The following HSPG2 variants were observed in gnomAD, a reference collection of about 807,000 sequenced individuals.
The protein encoded by HSPG2 is heparan sulfate proteoglycan 2.
Under a neutral mutation model 526.6 loss-of-function variants are expected in HSPG2, and 278 were observed. That is an observed-to-expected ratio of 0.53 (90% confidence interval 0.48 to 0.58). The LOEUF is 0.58. Ranked by LOEUF, HSPG2 falls within the 20% of genes least tolerant of loss-of-function variation. HSPG2 has a pLI of 0.00. For missense variants in HSPG2, 5,354 were observed against 6,099.5 expected, an observed-to-expected ratio of 0.88 and a Z score of 4.07; for synonymous variants, 2,465 against 2,555.4, an observed-to-expected ratio of 0.96 and a Z score of 1.07.
rs371570424 is a variant in HSPG2 at position 21,841,598 on chromosome 1, C to A, written c.9269G>T (p.Arg3090Leu). Residue 3090 changes from arginine to leucine, a missense_variant, in exon 70 of 97, where the codon CGC (arginine) becomes CTC (leucine). By Grantham distance (102) the Arg-to-Leu change is moderately radical. Transcript: ENST00000374695. Reference protein sequence around the residue: ...GTRPSNHGTYRCVASNAYGVA... With the variant: ...GTRPSNHGTYLCVASNAYGVA... Reference sequence around the variant, plus strand: ...ACCGTAGGCATTGGAGGCCACGCAGCGGTAGGTACCGTGGTTGCTGGGCCG... The same window carrying A: ...ACCGTAGGCATTGGAGGCCACGCAGAGGTAGGTACCGTGGTTGCTGGGCCG... 6.2e-7 allele frequency: 1 copy of A among 1,614,066 alleles called. No homozygotes were observed. The highest frequency in any genetic ancestry group is 1.7e-5 in the Admixed American group (1 of 60,016).
In HSPG2 at chr1:21,841,196, G is replaced by A. The variant is rs1228739750; in HGVS notation, c.9418C>T (p.Pro3140Ser). 1.2e-6 allele frequency: 2 copies of A among 1,613,848 alleles called. No homozygotes were observed. The highest frequency in any genetic ancestry group is 1.7e-5 in the Admixed American group (1 of 60,032). Reference sequence around the variant, plus strand: ...CGGGTCCAACGAGCAGAGGAGCGGGGCTCCCCGGCACTGACACACTCCAGG... The same window carrying A: ...CGGGTCCAACGAGCAGAGGAGCGGGACTCCCCGGCACTGACACACTCCAGG... ...VTLECVSAGE[P>S]RSSARWTRIS... The change falls in exon 71 of 97, where the codon CCC becomes TCC. Residue 3140 changes from proline (P) to serine (S), a missense_variant. By Grantham distance (74) the Pro-to-Ser change is moderately conservative (BLOSUM62 -1). Transcript: ENST00000374695.
chr1:21,912,511 C>A (rs777890063), intron 1 of HSPG2, among the ~76,000 whole-genome samples: 2 of 152,160 alleles, frequency 1.3e-5, no homozygotes, highest in African/African-American at 2.4e-5. Context: ...CTAGCCAACA[C>A]CCTCACTTAT....
At chr1:21,861,645 G>A in intron 39 of HSPG2, 112 bp downstream of exon 39, 1 of 983,672 alleles carries the variant, frequency 1.0e-6, no homozygotes, top group Non-Finnish European at 1.6e-6. Flanking sequence ...TTTGAGGCAG[G>A]GAAGGAGCAT....
intron 33 of HSPG2, chr1:21,869,629 A>G: frequency 2.0e-6 from 2 of 986,010 alleles, no homozygotes; most frequent in Non-Finnish European, 2.4e-6. Flanking sequence ...GAGCTGCCAG[A>G]TCTCAGCATC....
At chr1:21,917,473 AT>A (rs1643914925) in intron 1 of HSPG2, among the ~76,000 whole-genome samples, 2 of 139,968 alleles carry the variant, frequency 1.4e-5, no homozygotes, top group South Asian at 4.4e-4. Flanking sequence ...AAATAAATAA[AT>A]AAATAAATAA....
In HSPG2 at chr1:21,824,766, C is replaced by G; in HGVS notation, c.12603G>C (p.Gln4201His). 1 of 1,612,898 alleles carries G rather than the reference C, an allele frequency of 6.2e-7. No homozygotes were observed. Among genetic ancestry groups the G allele is most frequent in the Non-Finnish European group, 8.5e-7 (1 of 1,179,586 alleles). ...EGSGGNDAPGQYGAYFHDDGF... is the reference protein window; with the variant it reads ...EGSGGNDAPGHYGAYFHDDGF... Reference sequence around the variant, plus strand: ...CATCATCGTGGAAATAGGCTCCGTACTGCCCAGGGGCATCTGTGGGAGAGA... The same window carrying G: ...CATCATCGTGGAAATAGGCTCCGTAGTGCCCAGGGGCATCTGTGGGAGAGA... Residue 4201 changes from glutamine (Q) to histidine (H), a missense_variant, in exon 92 of 97, where the codon CAG becomes CAC. Gln to His is a conservative substitution (Grantham distance 24). Transcript: ENST00000374695. This position sits in a 1 kb window ranked among gnomAD's most constrained non-coding sequence, Gnocchi z 5.9.
chr1:21,844,860 ATC>A (rs1362802902), intron 64 of HSPG2, among the ~76,000 whole-genome samples: 1 of 152,200 alleles, frequency 6.6e-6, no homozygotes, highest in Non-Finnish European at 1.5e-5. Context: ...CTGCTTAGCA[ATC>A]TGTGTCCCCT....
At chr1:21,871,957 G>C (rs948508486) in intron 33 of HSPG2, among the ~76,000 whole-genome samples, 1 of 152,226 alleles carries the variant, frequency 6.6e-6, no homozygotes, top group African/African-American at 2.4e-5. Context: ...TTATGTGCCA[G>C]GCACGATCTC....
chr1:21,866,074 G>A (rs1037189772), intron 33 of HSPG2, among the ~76,000 whole-genome samples: 4 of 152,134 alleles, frequency 2.6e-5, no homozygotes, highest in African/African-American at 7.2e-5. Flanking sequence ...ATTGCCTGAC[G>A]GTGCCGGCGA....
rs1439982877 is a variant in HSPG2, at chr1:21,904,070, G to A, written c.64-7760C>T. Among the ~76,000 whole-genome samples the A allele has an allele frequency of 1.3e-5, 2 of 152,178 alleles. No homozygotes were observed. Among genetic ancestry groups the A allele is most frequent in the Admixed American group, 6.5e-5 (1 of 15,276 alleles). ...TACCTACTATGTGCTGGGCCCGGGG[G>A]ACAAAATGTGAAATGGACACAGAAC... On this transcript the variant is annotated intron_variant, in intron 1 of 96. Transcript: ENST00000374695. The surrounding 1 kb of genome is among the most constrained non-coding windows in gnomAD (Gnocchi z 4.4).
intron 1 of HSPG2, among the ~76,000 whole-genome samples, chr1:21,918,202 C>T (rs1231747690): frequency 1.3e-5 from 2 of 152,122 alleles, no homozygotes; most frequent in Non-Finnish European, 2.9e-5. Context: ...CAGTTGCTCA[C>T]GTCTGTAATC....
rs771803144 is a variant in HSPG2, at chr1:21,890,088, G to T, written c.467C>A (p.Ala156Glu). Residue 156 changes from alanine to glutamate, a missense_variant, in exon 6 of 97, where the codon GCG becomes GAG. Ala to Glu is a moderately radical substitution (Grantham distance 107). Coordinates refer to ENST00000374695, the MANE Select transcript of HSPG2 (RefSeq NM_005529.7). The surrounding 1 kb of genome is among the most constrained non-coding windows in gnomAD (Gnocchi z 4.1). ...CATCTCCTGAATCTGAGCCCCATCC[G>T]CATTCCCTTCCGAGCCCACATCCAG... is the stretch of plus-strand genomic sequence containing the variant. The part of the protein sequence containing the change: ...VELDVGSEGN[A>E]DGAQIQEMLL... 3 of 1,613,816 alleles carry T rather than the reference G, an allele frequency of 1.9e-6. No homozygotes were observed. Among genetic ancestry groups the T allele is most frequent in the East Asian group, 2.2e-5 (1 of 44,882 alleles).
chr1:21,835,690 G>T, intron 75 of HSPG2, 53 bp from the exon 76 acceptor site: 1 of 1,406,768 alleles, frequency 7.1e-7, no homozygotes. Flanking sequence ...CTGATAGAAT[G>T]CTTTGCAATT....
chr1:21,831,334 G>A lies in HSPG2; in HGVS notation c.11453-10C>T, dbSNP rs778040932. ...AGCTCCCGGACACAGCCTGGGAGGT[G>A]AGTGGGCAGGATGAGCACAGGGCAG... On this transcript the variant is annotated splice_polypyrimidine_tract_variant and intron_variant, in intron 83 of 96. Transcript: ENST00000374695. 8 of 1,612,820 alleles carry A rather than the reference G, an allele frequency of 5.0e-6. No individual in the cohort carries two copies. In the African/African-American group the frequency reaches 5.3e-5, roughly 11 times the overall value.
At chr1:21,924,066 G>A (rs1644118132) in intron 1 of HSPG2, among the ~76,000 whole-genome samples, 1 of 152,138 alleles carries the variant, frequency 6.6e-6, no homozygotes, top group Non-Finnish European at 1.5e-5. Context: ...GAGATTCTGG[G>A]GCTACACAAG....
rs539400393 is a variant in HSPG2 at position 21,829,179 on chromosome 1, C to A, written c.11993-100G>T. ...CCCTGAGCAGATGGGGAATGCCCTA[C>A]AGCCTTCTGTATTCCAGATGAGGAG... On this transcript the variant is annotated intron_variant, in intron 87 of 96. Transcript: ENST00000374695. 8 of 1,469,042 alleles carry A rather than the reference C, an allele frequency of 5.4e-6. No homozygotes were observed. In the South Asian group the frequency reaches 1.0e-4, roughly 19 times the overall value. The allele number at this position is 1,469,042 out of a possible 1,614,324, so 91.0% of individuals were successfully genotyped here. A position where few individuals can be genotyped will look rare whatever the true frequency, so the allele number is the denominator to read the frequency against.
At chr1:21,846,025 G>T in intron 64 of HSPG2, 83 bp downstream of exon 64, 1 of 1,503,806 alleles carries the variant, frequency 6.6e-7, no homozygotes, top group Non-Finnish European at 9.2e-7. Flanking sequence ...GCCAGAAAGT[G>T]TTTCCTTCTG....
intron 91 of HSPG2, 25 bp downstream of exon 91, chr1:21,827,838 G>A (rs2097983250): frequency 1.9e-6 from 3 of 1,568,150 alleles, no homozygotes; most frequent in East Asian, 4.6e-5. Context: ...CTGAAGCTGG[G>A]GAGGAGGCCA....
At chr1:21,830,813 T>C (rs1218157896) in intron 85 of HSPG2, 169 bp downstream of exon 85, 3 of 624,454 alleles carry the variant, frequency 4.8e-6, no homozygotes, top group East Asian at 2.8e-5. Flanking sequence ...GGTGAGGGCC[T>C]TCGGGTAGCA....
Sources: allele counts gnomAD v4.1 joint callset (sites outside exome capture counted in the v4.1 genomes callset), GRCh38; gene constraint gnomAD v4.1.1; non-coding constraint Gnocchi (gnomAD v3.1); transcripts MANE v1.5; gene names NCBI Gene and HGNC (gene_info 2026-07-23, HGNC 2026-07-21).